Variants in MAN1A1 observed in about 807,000 individuals in gnomAD.
The protein encoded by MAN1A1 is mannosyl-oligosaccharide 1,2-alpha-mannosidase IA.
In MAN1A1, 29 loss-of-function variants were observed where a neutral mutation model predicts 70.8. That is an observed-to-expected ratio of 0.41 (90% confidence interval 0.31 to 0.56). The LOEUF is 0.56. Ranked by LOEUF, MAN1A1 falls within the 20% of genes least tolerant of loss-of-function variation. The probability of loss-of-function intolerance (pLI) is 0.29; values close to 1 mark genes in which losing one functional copy is unlikely to be tolerated. For missense variants in MAN1A1, 747 were observed against 841.3 expected (o/e 0.89, Z 1.39); for synonymous variants, 349 against 330.1 (o/e 1.06, Z -0.62).
intron 2 of MAN1A1, among the ~76,000 whole-genome samples, chr6:119,335,374 A>T (rs1773426013): frequency 6.6e-6 from 1 of 152,230 alleles, no homozygotes. Flanking sequence ...TCTGAAAAAG[A>T]GGAATTATTA....
At chr6:119,205,995 A>C (rs1428055228) in intron 6 of MAN1A1, among the ~76,000 whole-genome samples, 2 of 152,236 alleles carry the variant, frequency 1.3e-5, no homozygotes, top group Admixed American at 1.3e-4. Flanking sequence ...CTGAGCATCT[A>C]AAGCTGGGAC....
intron 6 of MAN1A1, among the ~76,000 whole-genome samples, chr6:119,242,052 C>A (rs1254416289): frequency 2.0e-5 from 3 of 151,354 alleles, no homozygotes; most frequent in African/African-American, 7.3e-5. Context: ...TACAAAGCAA[C>A]CAGAACAGTC....
intron 7 of MAN1A1, among the ~76,000 whole-genome samples, chr6:119,202,550 C>T (rs903088699): frequency 1.3e-5 from 2 of 152,128 alleles, no homozygotes; most frequent in African/African-American, 4.8e-5. Context: ...ATTTAATTAT[C>T]AAATATTATG....
chr6:119,180,222 G>T, intron 12 of MAN1A1, 90 bp downstream of exon 12: 1 of 888,924 alleles, frequency 1.1e-6, no homozygotes, highest in Non-Finnish European at 1.8e-6. Context: ...AGGCATACTT[G>T]ATATTACTTG....
rs1197638888 is a variant in MAN1A1 at position 119,179,565 on chromosome 6, A to C, written c.*254T>G. The C allele has an allele frequency of 3.9e-6, 1 of 258,066 alleles. No homozygotes were observed. The highest frequency in any genetic ancestry group is 2.2e-5 in the African/African-American group (1 of 46,156). 16.0% of individuals were successfully genotyped at this position (258,066 alleles called of 1,614,324 possible). ...CAAAAACGATATTACACCTTCATGA[A>C]ATCCAGAGATAATAGGTTACTTAAA... On this transcript the variant is annotated 3_prime_UTR_variant, in exon 13 of 13. Coordinates refer to ENST00000368468, the MANE Select transcript of MAN1A1 (RefSeq NM_005907.4).
chr6:119,339,987 A>C (rs1773558546), intron 2 of MAN1A1, among the ~76,000 whole-genome samples: 1 of 152,170 alleles, frequency 6.6e-6, no homozygotes, highest in Non-Finnish European at 1.5e-5. Flanking sequence ...GCTACTCAGG[A>C]GGCTGAGGCA....
intron 2 of MAN1A1, among the ~76,000 whole-genome samples, chr6:119,319,452 T>C (rs1211108274): frequency 6.6e-6 from 1 of 151,610 alleles, no homozygotes; most frequent in Non-Finnish European, 1.5e-5. Context: ...AATAAATATA[T>C]GCCAGATTCA....
chr6:119,234,181 T>C (rs1774773749), intron 6 of MAN1A1, among the ~76,000 whole-genome samples: 1 of 152,212 alleles, frequency 6.6e-6, no homozygotes, highest in African/African-American at 2.4e-5. Flanking sequence ...AGAACAAATC[T>C]GCATTTTGAA....
intron 6 of MAN1A1, among the ~76,000 whole-genome samples, chr6:119,210,491 T>C (rs958351169): frequency 1.3e-5 from 2 of 152,224 alleles, no homozygotes; most frequent in Non-Finnish European, 2.9e-5. Flanking sequence ...ACATTTTCCA[T>C]GCCAATCAAC....
chr6:119,188,331 C>T (rs1773347863), intron 11 of MAN1A1, 74 bp downstream of exon 11: 3 of 1,361,088 alleles, frequency 2.2e-6, no homozygotes, highest in African/African-American at 1.5e-5. Flanking sequence ...GTTGATAAGC[C>T]TGATTTATGG....
At chr6:119,323,393 G>T (rs1221099235) in intron 2 of MAN1A1, among the ~76,000 whole-genome samples, 1 of 152,110 alleles carries the variant, frequency 6.6e-6, no homozygotes, top group African/African-American at 2.4e-5. Context: ...TGAGACAAAT[G>T]TATTTCTAAT....
intron 6 of MAN1A1, among the ~76,000 whole-genome samples, chr6:119,243,930 G>GT (rs1161545234): frequency 1.3e-5 from 2 of 151,932 alleles, no homozygotes; most frequent in Non-Finnish European, 2.9e-5. Context: ...TCTACTAAAT[G>GT]TAACACCAAG....
intron 4 of MAN1A1, among the ~76,000 whole-genome samples, chr6:119,292,483 T>C (rs1234909994): frequency 1.3e-5 from 2 of 151,988 alleles, no homozygotes; most frequent in African/African-American, 4.8e-5. Flanking sequence ...TAAGGACTGA[T>C]AAGGTCCTCA....
At chr6:119,303,592 G>A (rs988382297) in intron 3 of MAN1A1, among the ~76,000 whole-genome samples, 1 of 151,944 alleles carries the variant, frequency 6.6e-6, no homozygotes, top group Admixed American at 6.6e-5. Context: ...GAACATTTAC[G>A]TAACTGTATA....
intron 2 of MAN1A1, among the ~76,000 whole-genome samples, chr6:119,347,770 G>A (rs562644975): frequency 1.3e-5 from 2 of 152,366 alleles, no homozygotes; most frequent in East Asian, 3.9e-4. Flanking sequence ...AATTAGGAAA[G>A]ATGTATCAAA....
chr6:119,270,168 T>G (rs776900368), intron 5 of MAN1A1, among the ~76,000 whole-genome samples: 11 of 152,212 alleles, frequency 7.2e-5, no homozygotes, highest in Non-Finnish European at 1.3e-4. Flanking sequence ...AATTTCAGTC[T>G]CTTCTCCAAG....
chr6:119,297,941 C>T (rs1334029331), intron 4 of MAN1A1, among the ~76,000 whole-genome samples: 4 of 151,772 alleles, frequency 2.6e-5, no homozygotes, highest in East Asian at 1.9e-4. Context: ...TGAGCCACCA[C>T]GCCTGGCCAA....
At chr6:119,218,183 T>C (rs1251298272) in intron 6 of MAN1A1, among the ~76,000 whole-genome samples, 1 of 152,174 alleles carries the variant, frequency 6.6e-6, no homozygotes, top group Non-Finnish European at 1.5e-5. Flanking sequence ...TTTGTTGTCT[T>C]TTGATTTTAG....
intron 2 of MAN1A1, chr6:119,331,939 G>T (rs560209264): frequency 2.0e-6 from 1 of 509,952 alleles, no homozygotes; most frequent in Non-Finnish European, 3.9e-6. Context: ...GACAGACCTG[G>T]ATTTCAACCT....
Sources: gnomAD v4.1 joint callset for allele counts (sites outside exome capture counted in the v4.1 genomes callset) on GRCh38, gnomAD v4.1.1 for gene constraint, MANE v1.5 for transcripts, NCBI Gene and HGNC (gene_info 2026-07-23, HGNC 2026-07-21) for gene names.